The following ATE1 variants were observed in gnomAD, a reference collection of about 807,000 sequenced individuals.
The protein encoded by ATE1 is arginyltransferase 1.
Under a neutral mutation model 70.5 loss-of-function variants are expected in ATE1, and 36 were observed. The ratio of observed to expected loss-of-function variants is 0.51; its 90% CI spans 0.39 to 0.67. ATE1 has a LOEUF of 0.67. Ranked by LOEUF, ATE1 falls within the 30% of genes least tolerant of loss-of-function variation. ATE1 has a pLI of 0.00. For synonymous variants in ATE1, 232 were observed against 219.3 expected, an observed-to-expected ratio of 1.06 and a Z score of -0.51; for missense variants, 593 against 629.5, an observed-to-expected ratio of 0.94 and a Z score of 0.62.
At chr10:121,769,696 A>G (rs1228304317) in intron 11 of ATE1, among the ~76,000 whole-genome samples, 1 of 152,250 alleles carries the variant, frequency 6.6e-6, no homozygotes, top group Non-Finnish European at 1.5e-5. Context: ...TAGAAAATGC[A>G]CAAAGAACAT....
rs11200193 is a variant in ATE1 at position 121,857,802 on chromosome 10, C to T, written c.975+12204G>A. 8.3e-4 allele frequency among the ~76,000 whole-genome samples: 126 copies of T among 152,098 alleles called. 1 individual carries two copies. Among genetic ancestry groups the T allele is most frequent in the Non-Finnish European group, 1.7e-3 (115 of 68,006 alleles). ...ACAATCCATCCATAATTTTTTTGAT[C>T]ATCCAAGACAGAAACTACGTACCCA... is the stretch of plus-strand genomic sequence containing the variant. On this transcript the variant is annotated intron_variant, in intron 8 of 11. Coordinates refer to ENST00000224652, the MANE Select transcript of ATE1 (RefSeq NM_001001976.3).
Position 121,742,612 on chromosome 10 carries a change from A to G in ATE1, c.*1068T>C, listed in dbSNP as rs1314989492. The G allele has an allele frequency of 6.6e-6, 1 of 152,318 alleles. No individual in the cohort carries two copies. Among genetic ancestry groups the G allele is most frequent in the Non-Finnish European group, 1.5e-5 (1 of 68,138 alleles). 9.4% of individuals were successfully genotyped at this position (152,318 alleles called of 1,614,324 possible). On this transcript the variant is annotated 3_prime_UTR_variant, in exon 12 of 12. Coordinates refer to ENST00000224652, the MANE Select transcript of ATE1 (RefSeq NM_001001976.3). ...TGACAGGTGGGCAAAGGACTCAGCA[A>G]AAGAAAGTGAGGGAAGGAGGGGGCT... is the stretch of plus-strand genomic sequence containing the variant.
intron 8 of ATE1, among the ~76,000 whole-genome samples, chr10:121,842,115 A>G (rs928301666): frequency 6.6e-6 from 1 of 152,156 alleles, no homozygotes; most frequent in African/African-American, 2.4e-5. Flanking sequence ...GTGTAAGTAC[A>G]AAGGACTATG....
intron 8 of ATE1, among the ~76,000 whole-genome samples, chr10:121,846,125 C>CAA (rs34029723): frequency 5.2e-5 from 3 of 57,540 alleles, no homozygotes; most frequent in East Asian, 6.0e-4. Context: ...TAGCACTATT[C>CAA]AAAAAAAAAA....
At chr10:121,927,074 GAGTCTACATTCTATATTGGC>G in intron 1 of ATE1, 5 of 985,280 alleles carry the variant, frequency 5.1e-6, no homozygotes, top group Admixed American at 6.1e-5. Flanking sequence ...TAAAATAATA[GAGTCTACATTCTATATTGGC>G]AAATGCATGG....
chr10:121,745,370 C>T (rs1341492317), intron 11 of ATE1, among the ~76,000 whole-genome samples: 7 of 152,078 alleles, frequency 4.6e-5, no homozygotes, highest in African/African-American at 1.7e-4. Context: ...AATACAAAAA[C>T]TACTCTGAAT....
intron 11 of ATE1, among the ~76,000 whole-genome samples, chr10:121,745,735 C>A (rs1290244748): frequency 6.6e-6 from 1 of 151,162 alleles, no homozygotes; most frequent in Non-Finnish European, 1.5e-5. Context: ...TCAAAACAAA[C>A]AAAAAAAAGA....
chr10:121,815,442 T>C (rs2133522987), intron 10 of ATE1, among the ~76,000 whole-genome samples: 1 of 152,264 alleles, frequency 6.6e-6, no homozygotes, highest in East Asian at 1.9e-4. Context: ...GCCGGGAATG[T>C]TTACCTTCTT....
chr10:121,928,313 C>T, upstream of ATE1: 3 of 1,508,990 alleles, frequency 2.0e-6, no homozygotes, highest in Admixed American at 4.4e-5. Context: ...CGGGGCGCGG[C>T]GGCCGCGCCA....
At chr10:121,857,721 G>T (rs1332857648) in intron 8 of ATE1, among the ~76,000 whole-genome samples, 1 of 152,166 alleles carries the variant, frequency 6.6e-6, no homozygotes, top group Non-Finnish European at 1.5e-5. Flanking sequence ...TTAACAATTT[G>T]TAAGTGTACA....
At chr10:121,802,963 A>G (rs1172369075) in intron 10 of ATE1, among the ~76,000 whole-genome samples, 1 of 152,242 alleles carries the variant, frequency 6.6e-6, no homozygotes, top group Non-Finnish European at 1.5e-5. Context: ...GAAAAAGCAT[A>G]CCAATACAAT....
chr10:121,828,793 T>C (rs1215226337), intron 10 of ATE1, among the ~76,000 whole-genome samples: 1 of 151,500 alleles, frequency 6.6e-6, no homozygotes, highest in East Asian at 2.0e-4. Context: ...CAGCATGCCA[T>C]TGTGATAGCT....
chr10:121,920,024 G>C (rs928271139), intron 3 of ATE1, among the ~76,000 whole-genome samples: 2 of 152,124 alleles, frequency 1.3e-5, no homozygotes, highest in Non-Finnish European at 2.9e-5. Context: ...AAGGGAGACA[G>C]CTTTGAGGAC....
At chr10:121,881,472 G>A (rs549917315) in intron 7 of ATE1, among the ~76,000 whole-genome samples, 37 of 152,152 alleles carry the variant, frequency 2.4e-4, no homozygotes, top group Non-Finnish European at 5.1e-4. Context: ...TCCAGTTCTA[G>A]GTAAAGCAAT....
chr10:121,808,754 G>A (rs1490107695), intron 10 of ATE1, among the ~76,000 whole-genome samples: 4 of 152,124 alleles, frequency 2.6e-5, no homozygotes, highest in African/African-American at 4.8e-5. Context: ...TATATGATAC[G>A]GTTGGGAAAG....
chr10:121,783,710 C>A (rs1045958919), intron 11 of ATE1, among the ~76,000 whole-genome samples: 3 of 152,000 alleles, frequency 2.0e-5, no homozygotes, highest in Non-Finnish European at 4.4e-5. Flanking sequence ...CTTTTCCATA[C>A]AAACAAATGA....
chr10:121,884,156 C>G (rs1490834617), intron 7 of ATE1, among the ~76,000 whole-genome samples: 1 of 145,170 alleles, frequency 6.9e-6, no homozygotes, highest in Non-Finnish European at 1.5e-5. Context: ...GGACATTGCT[C>G]TGCCACTAAC....
chr10:121,832,700 A>C (rs2133712220), intron 10 of ATE1, among the ~76,000 whole-genome samples: 1 of 152,290 alleles, frequency 6.6e-6, no homozygotes, highest in African/African-American at 2.4e-5. Flanking sequence ...GTGGAGTTGT[A>C]AGTCCAATTA....
chr10:121,778,669 T>C (rs1315283746), intron 11 of ATE1, among the ~76,000 whole-genome samples: 3 of 147,230 alleles, frequency 2.0e-5, no homozygotes, highest in African/African-American at 7.5e-5. Context: ...TGGCGTGACA[T>C]CGGCTCACTG....
Sources: gnomAD v4.1 joint callset for allele counts (sites outside exome capture counted in the v4.1 genomes callset) on GRCh38, gnomAD v4.1.1 for gene constraint, MANE v1.5 for transcripts, NCBI Gene and HGNC (gene_info 2026-07-23, HGNC 2026-07-21) for gene names.